Variants in NRXN3 observed in about 807,000 individuals in gnomAD.
NRXN3 encodes neurexin 3.
In NRXN3, 32 loss-of-function variants were observed where a neutral mutation model predicts 137.6. That is an observed-to-expected ratio of 0.23 (90% CI 0.18 to 0.31). The LOEUF (loss-of-function observed/expected upper bound fraction) is 0.31, where lower values mean the gene tolerates loss of function less well. Among genes scored for constraint, NRXN3 ranks in the 10% least tolerant of loss-of-function variants. NRXN3 has a pLI of 1.00. For synonymous variants in NRXN3, 798 were observed against 784.5 expected (o/e 1.02, Z -0.29); for missense variants, 1,574 against 2,062.5 (o/e 0.76, Z 4.59).
intron 4 of NRXN3, among the ~76,000 whole-genome samples, chr14:78,624,432 G>A (rs1460692452): frequency 3.3e-5 from 5 of 152,228 alleles, no homozygotes; most frequent in Admixed American, 1.3e-4. Flanking sequence ...GATGGATGAG[G>A]AGATGGAAAA....
chr14:78,204,086 G>A (rs1410683799), intron 1 of NRXN3, among the ~76,000 whole-genome samples: 1 of 151,710 alleles, frequency 6.6e-6, no homozygotes. Context: ...CCTTATTGTT[G>A]GATATTTAAA....
chr14:78,694,650 C>T (rs1391564478), intron 6 of NRXN3, among the ~76,000 whole-genome samples: 1 of 151,920 alleles, frequency 6.6e-6, no homozygotes, highest in South Asian at 2.1e-4. Context: ...TAAGCATGTA[C>T]TCGATGAAGC....
At chr14:79,422,313 C>T (rs181625007) in intron 15 of NRXN3, among the ~76,000 whole-genome samples, 11 of 152,240 alleles carry the variant, frequency 7.2e-5, no homozygotes, top group African/African-American at 2.6e-4. Context: ...TTCCTCCCTC[C>T]TCAGCCTCCC....
chr14:79,678,468 C>A (rs950361176), intron 17 of NRXN3, among the ~76,000 whole-genome samples: 3 of 152,138 alleles, frequency 2.0e-5, no homozygotes, highest in African/African-American at 4.8e-5. Context: ...GAAGTCTACA[C>A]GTCTTTGCTG....
intron 4 of NRXN3, among the ~76,000 whole-genome samples, chr14:78,415,110 T>C (rs1023964622): frequency 1.3e-5 from 2 of 152,162 alleles, no homozygotes; most frequent in Non-Finnish European, 2.9e-5. Context: ...GAAACAGCTC[T>C]AAGATTTGGG....
At chr14:79,082,378 G>T (rs1469730917) in intron 15 of NRXN3, among the ~76,000 whole-genome samples, 2 of 120,560 alleles carry the variant, frequency 1.7e-5, no homozygotes, top group African/African-American at 6.6e-5. Flanking sequence ...AAACTCCTGT[G>T]TATGCAAACT....
chr14:79,307,880 G>T (rs980213147), intron 15 of NRXN3, among the ~76,000 whole-genome samples: 3 of 151,752 alleles, frequency 2.0e-5, no homozygotes, highest in Non-Finnish European at 4.4e-5. Context: ...TTTGCCATAT[G>T]AAAGTACCAG....
intron 4 of NRXN3, among the ~76,000 whole-genome samples, chr14:78,421,216 T>C (rs2093428621): frequency 6.6e-6 from 1 of 150,884 alleles, no homozygotes; most frequent in African/African-American, 2.4e-5. Context: ...TGAGCCGAGA[T>C]TGTGCCATTG....
intron 16 of NRXN3, among the ~76,000 whole-genome samples, chr14:79,551,659 G>C (rs1428087163): frequency 1.3e-5 from 2 of 152,182 alleles, no homozygotes; most frequent in Non-Finnish European, 2.9e-5. Context: ...GGACTCCAGT[G>C]TTTAGCTCAA....
intron 16 of NRXN3, among the ~76,000 whole-genome samples, chr14:79,601,862 GA>G (rs1823125105): frequency 6.6e-6 from 1 of 152,206 alleles, no homozygotes; most frequent in South Asian, 2.1e-4. Flanking sequence ...AGAGACAGAA[GA>G]GAGTGCTAGA....
At chr14:79,605,374 G>A (rs538089808) in intron 16 of NRXN3, among the ~76,000 whole-genome samples, 49 of 152,168 alleles carry the variant, frequency 3.2e-4, no homozygotes, top group African/African-American at 1.1e-3. Flanking sequence ...ATGACTTCCC[G>A]CATACTACTA....
At chr14:79,476,244 C>G (rs1249338286) in intron 16 of NRXN3, among the ~76,000 whole-genome samples, 1 of 152,066 alleles carries the variant, frequency 6.6e-6, no homozygotes, top group Admixed American at 6.6e-5. Flanking sequence ...TTTCTTAGAT[C>G]CTGGTGCTGT....
chr14:78,934,801 G>A (rs1250823592), intron 10 of NRXN3, among the ~76,000 whole-genome samples: 1 of 151,806 alleles, frequency 6.6e-6, no homozygotes. Flanking sequence ...CACACACTGG[G>A]CACTGTTGTG....
chr14:79,713,604 TA>T (rs1778901122), intron 19 of NRXN3, among the ~76,000 whole-genome samples: 1 of 127,934 alleles, frequency 7.8e-6, no homozygotes. Context: ...TACATACATA[TA>T]CATATACATA....
intron 4 of NRXN3, among the ~76,000 whole-genome samples, chr14:78,317,841 A>G (rs981757278): frequency 1.3e-5 from 2 of 152,204 alleles, no homozygotes; most frequent in Non-Finnish European, 2.9e-5. Flanking sequence ...ATAAATAAAG[A>G]TAAAAAGATC....
At chr14:79,291,849 C>T (rs1218855336) in intron 15 of NRXN3, among the ~76,000 whole-genome samples, 1 of 151,522 alleles carries the variant, frequency 6.6e-6, no homozygotes, top group African/African-American at 2.4e-5. Context: ...TTTAAAAGGA[C>T]CTCTTAGGGT....
chr14:78,526,276 C>G (rs1801039974), intron 4 of NRXN3, among the ~76,000 whole-genome samples: 2 of 152,206 alleles, frequency 1.3e-5, no homozygotes, highest in African/African-American at 4.8e-5. Flanking sequence ...AGAATGACAT[C>G]AAGTGGCTGT....
intron 15 of NRXN3, among the ~76,000 whole-genome samples, chr14:79,249,356 A>G (rs1015458008): frequency 2.6e-5 from 4 of 152,196 alleles, no homozygotes; most frequent in Non-Finnish European, 4.4e-5. Context: ...GGGCATAGCA[A>G]TCAGGGTCCC....
At chr14:78,359,005 C>A (rs1302742914) in intron 4 of NRXN3, among the ~76,000 whole-genome samples, 1 of 152,134 alleles carries the variant, frequency 6.6e-6, no homozygotes, top group Non-Finnish European at 1.5e-5. Flanking sequence ...GATTTACATT[C>A]TTTTCCTTTA....
Sources: gnomAD v4.1 joint callset for allele counts (sites outside exome capture counted in the v4.1 genomes callset) on GRCh38, gnomAD v4.1.1 for gene constraint, MANE v1.5 for transcripts, NCBI Gene and HGNC (gene_info 2026-07-23, HGNC 2026-07-21) for gene names.